Variants in SNX29 observed in about 807,000 individuals in gnomAD.
The protein encoded by SNX29 is sorting nexin 29.
In SNX29, 78 loss-of-function variants were observed where a neutral mutation model predicts 102.1. The observed-to-expected ratio is 0.76, with a 90% CI of 0.64 to 0.92. The LOEUF is 0.92. Ranked by LOEUF, SNX29 falls within the 40% of genes least tolerant of loss-of-function variation. The pLI, the probability that SNX29 is intolerant of heterozygous loss-of-function variation, is 0.00. For missense variants in SNX29, 1,280 were observed against 1,061.7 expected (o/e 1.21, Z -2.86); for synonymous variants, 580 against 414.5 (o/e 1.40, Z -4.85).
At chr16:12,479,823 G>A (rs1359003105) in intron 19 of SNX29, among the ~76,000 whole-genome samples, 1 of 152,148 alleles carries the variant, frequency 6.6e-6, no homozygotes, top group African/African-American at 2.4e-5. Context: ...CACGGAATCT[G>A]CCTGTGTCTT....
chr16:12,371,262 C>A (rs373734516), intron 16 of SNX29, among the ~76,000 whole-genome samples: 1 of 152,026 alleles, frequency 6.6e-6, no homozygotes, highest in South Asian at 2.1e-4. Flanking sequence ...TTCTCTCTTC[C>A]CTCCTCCCTC....
intron 14 of SNX29, among the ~76,000 whole-genome samples, chr16:12,217,213 T>C (rs560511006): frequency 2.1e-4 from 32 of 152,248 alleles, no homozygotes; most frequent in Middle Eastern, 3.4e-3. Flanking sequence ...AGAGACAGGG[T>C]CTCACGATGT....
At chr16:12,036,123 G>A (rs2057464617) in intron 4 of SNX29, among the ~76,000 whole-genome samples, 6 of 152,022 alleles carry the variant, frequency 3.9e-5, no homozygotes, top group Admixed American at 3.9e-4. Flanking sequence ...TAACTAGGCT[G>A]GAGTGCAGTG....
chr16:12,243,116 G>C (rs977523958), intron 14 of SNX29, among the ~76,000 whole-genome samples: 1 of 152,256 alleles, frequency 6.6e-6, no homozygotes, highest in Non-Finnish European at 1.5e-5. Flanking sequence ...ACACAGCAGA[G>C]ACACTATTTG....
At chr16:12,092,288 A>AGGAG (rs35883151) in intron 11 of SNX29, among the ~76,000 whole-genome samples, 55 of 151,512 alleles carry the variant, frequency 3.6e-4, no homozygotes, top group Non-Finnish European at 6.8e-4. Context: ...CATTTAAAGA[A>AGGAG]GGAAGGAAGG....
At chr16:12,236,505 T>C (rs975116986) in intron 14 of SNX29, among the ~76,000 whole-genome samples, 4 of 152,208 alleles carry the variant, frequency 2.6e-5, no homozygotes, top group African/African-American at 9.7e-5. Flanking sequence ...CACTACGTCT[T>C]CTCTGTTGCA....
chr16:12,381,015 CCCACCATCCACCCACCCACCATCCAT>C, intron 16 of SNX29, among the ~76,000 whole-genome samples: 2 of 105,610 alleles, frequency 1.9e-5, no homozygotes, highest in African/African-American at 3.8e-5. Flanking sequence ...CATCCACCCA[CCCACCATCCACCCACCCACCATCCAT>C]CCACCCACCT....
chr16:12,159,805 A>T (rs1000669866), intron 13 of SNX29, among the ~76,000 whole-genome samples: 2 of 152,202 alleles, frequency 1.3e-5, no homozygotes, highest in African/African-American at 2.4e-5. Context: ...CTTGGTGAAC[A>T]CTTAAGAGAG....
chr16:12,063,457 C>T (rs747388826), intron 9 of SNX29, among the ~76,000 whole-genome samples: 2 of 145,836 alleles, frequency 1.4e-5, no homozygotes, highest in African/African-American at 2.5e-5. Flanking sequence ...TCACTGCAAC[C>T]TCCGCCTTCT....
At chr16:12,104,322 G>T (rs540103600) in intron 11 of SNX29, among the ~76,000 whole-genome samples, 2 of 152,232 alleles carry the variant, frequency 1.3e-5, no homozygotes, top group South Asian at 4.1e-4. Flanking sequence ...TTGGGAGGCC[G>T]AGATGGGCAG....
At chr16:12,278,718 T>A (rs1357298969) in intron 15 of SNX29, among the ~76,000 whole-genome samples, 1 of 152,114 alleles carries the variant, frequency 6.6e-6, no homozygotes, top group African/African-American at 2.4e-5. Context: ...AAGAAAACTA[T>A]CAAATAGAAT....
intron 19 of SNX29, among the ~76,000 whole-genome samples, chr16:12,518,943 C>T (rs2089985014): frequency 6.6e-6 from 1 of 152,176 alleles, no homozygotes; most frequent in Non-Finnish European, 1.5e-5. Flanking sequence ...GGATGCATTT[C>T]TGGGGCCTCG....
intron 20 of SNX29, among the ~76,000 whole-genome samples, chr16:12,566,072 G>A (rs1481829028): frequency 6.6e-6 from 1 of 152,196 alleles, no homozygotes; most frequent in Non-Finnish European, 1.5e-5. Flanking sequence ...TGTCTCTCTA[G>A]GCACTTGATC....
chr16:12,127,848 A>G (rs2054285181), intron 12 of SNX29, among the ~76,000 whole-genome samples: 2 of 152,188 alleles, frequency 1.3e-5, no homozygotes, highest in African/African-American at 4.8e-5. Context: ...TCTGGCTCCC[A>G]TCTGACTTAT....
intron 20 of SNX29, among the ~76,000 whole-genome samples, chr16:12,534,624 C>T (rs1443337927): frequency 1.3e-5 from 2 of 152,158 alleles, no homozygotes; most frequent in Admixed American, 6.5e-5. Flanking sequence ...AAGCAAATTC[C>T]ATTCATGGGT....
intron 20 of SNX29, among the ~76,000 whole-genome samples, chr16:12,550,352 A>G (rs1418148724): frequency 1.3e-5 from 2 of 152,118 alleles, no homozygotes; most frequent in Non-Finnish European, 2.9e-5. Flanking sequence ...CTAGCCAACA[A>G]GAGGAAAACC....
chr16:12,399,060 C>CT (rs1352509833), intron 17 of SNX29, among the ~76,000 whole-genome samples: 1 of 146,204 alleles, frequency 6.8e-6, no homozygotes, highest in African/African-American at 2.6e-5. Context: ...GGTCATCAGA[C>CT]TTTTTTATTT....
At chr16:12,369,625 TTCTG>T (rs1338111058) in intron 16 of SNX29, among the ~76,000 whole-genome samples, 7 of 152,158 alleles carry the variant, frequency 4.6e-5, no homozygotes, top group African/African-American at 1.7e-4. Flanking sequence ...GTGCTTTCCA[TTCTG>T]TCTCAGTGCC....
intron 14 of SNX29, among the ~76,000 whole-genome samples, chr16:12,209,108 T>C (rs573318396): frequency 1.3e-5 from 2 of 152,320 alleles, no homozygotes; most frequent in South Asian, 2.1e-4. Context: ...AAAAGAGGGC[T>C]TTAGATAAAT....
Sources: allele counts gnomAD v4.1 joint callset (sites outside exome capture counted in the v4.1 genomes callset), GRCh38; gene constraint gnomAD v4.1.1; transcripts MANE v1.5; gene names NCBI Gene and HGNC (gene_info 2026-07-23, HGNC 2026-07-21).